FAF1: variants seen among roughly 807,000 people sequenced by gnomAD.
The protein encoded by FAF1 is FAS-associated factor 1.
In FAF1, 25 loss-of-function variants were observed where a neutral mutation model predicts 92.5. That is an observed-to-expected ratio of 0.27 (90% CI 0.20 to 0.38). The LOEUF is 0.38. Ranked by LOEUF, FAF1 falls within the 10% of genes least tolerant of loss-of-function variation. The probability of loss-of-function intolerance (pLI) is 1.00; values close to 1 mark genes in which losing one functional copy is unlikely to be tolerated. For synonymous variants in FAF1, 234 were observed against 273.2 expected (o/e 0.86, Z 1.42); for missense variants, 636 against 793.3 (o/e 0.80, Z 2.38).
At chr1:50,610,979 G>C (rs1354718602) in intron 8 of FAF1, among the ~76,000 whole-genome samples, 1 of 152,140 alleles carries the variant, frequency 6.6e-6, no homozygotes. Flanking sequence ...TCCCAGGGTT[G>C]AGCTTTGTGC....
At chr1:50,783,490 T>C (rs1252681049) in intron 4 of FAF1, among the ~76,000 whole-genome samples, 5 of 152,104 alleles carry the variant, frequency 3.3e-5, no homozygotes, top group Non-Finnish European at 5.9e-5. Context: ...CAACAGCACA[T>C]TGAAAGTGAA....
At chr1:50,692,699 A>C (rs1656993584) in intron 7 of FAF1, among the ~76,000 whole-genome samples, 1 of 152,180 alleles carries the variant, frequency 6.6e-6, no homozygotes, top group Non-Finnish European at 1.5e-5. Context: ...GAACACTTAC[A>C]TTGCTTCCAT....
intron 4 of FAF1, chr1:50,780,721 C>A: frequency 3.6e-6 from 1 of 278,740 alleles, no homozygotes; most frequent in South Asian, 3.5e-5. Context: ...ATCCTCAAGT[C>A]AGTGGTGACT....
At chr1:50,574,186 G>GTA (rs1650600749) in intron 12 of FAF1, among the ~76,000 whole-genome samples, 1 of 152,234 alleles carries the variant, frequency 6.6e-6, no homozygotes. Context: ...TGTTCATTGG[G>GTA]TATAGATCTT....
At chr1:50,484,388 G>A (rs921650255) in intron 17 of FAF1, among the ~76,000 whole-genome samples, 5 of 152,076 alleles carry the variant, frequency 3.3e-5, no homozygotes, top group African/African-American at 1.2e-4. Context: ...CTGTTTTAAT[G>A]GTTCATGAGA....
At chr1:50,522,856 T>A (rs943548618) in intron 15 of FAF1, among the ~76,000 whole-genome samples, 1 of 152,206 alleles carries the variant, frequency 6.6e-6, no homozygotes. Flanking sequence ...CACCATCTAT[T>A]TCCTAACATT....
At chr1:50,919,629 A>C (rs1489744172) in intron 1 of FAF1, among the ~76,000 whole-genome samples, 1 of 151,938 alleles carries the variant, frequency 6.6e-6, no homozygotes, top group African/African-American at 2.4e-5. Context: ...CTGGGATTAC[A>C]AGCACCTGAC....
intron 8 of FAF1, among the ~76,000 whole-genome samples, chr1:50,634,892 T>C (rs1653940628): frequency 6.6e-6 from 1 of 152,144 alleles, no homozygotes; most frequent in Non-Finnish European, 1.5e-5. Flanking sequence ...CAGAAAAGGG[T>C]GGTTTCAAGC....
chr1:50,776,689 A>AC (rs989658722), intron 4 of FAF1, among the ~76,000 whole-genome samples: 1 of 152,148 alleles, frequency 6.6e-6, no homozygotes, highest in Non-Finnish European at 1.5e-5. Flanking sequence ...CAAAAAAAAA[A>AC]ATCTGAGGTA....
At chr1:50,543,828 T>C (rs553505901) in intron 13 of FAF1, among the ~76,000 whole-genome samples, 1 of 152,212 alleles carries the variant, frequency 6.6e-6, no homozygotes, top group Non-Finnish European at 1.5e-5. Context: ...ACATTATAGA[T>C]GCTGCATTTG....
intron 7 of FAF1, among the ~76,000 whole-genome samples, chr1:50,679,179 T>C (rs927254592): frequency 1.4e-4 from 21 of 152,184 alleles, no homozygotes; most frequent in African/African-American, 5.1e-4. Flanking sequence ...AACTGCTATA[T>C]GTGGCAACAA....
chr1:50,697,251 C>T (rs1227816751), intron 7 of FAF1, among the ~76,000 whole-genome samples: 1 of 152,136 alleles, frequency 6.6e-6, no homozygotes, highest in Non-Finnish European at 1.5e-5. Context: ...AGAATAGTGC[C>T]TAATGCATAC....
chr1:50,784,878 G>A (rs879923950), intron 4 of FAF1, among the ~76,000 whole-genome samples: 3 of 151,986 alleles, frequency 2.0e-5, no homozygotes, highest in Admixed American at 6.6e-5. Flanking sequence ...AAACCCACAC[G>A]TATACAGTCA....
intron 1 of FAF1, among the ~76,000 whole-genome samples, chr1:50,907,557 G>C (rs1644850132): frequency 6.6e-6 from 1 of 152,092 alleles, no homozygotes; most frequent in Admixed American, 6.6e-5. Context: ...CAATTTCAGA[G>C]CCTGTTATTG....
chr1:50,832,208 C>A (rs542439420), intron 2 of FAF1, among the ~76,000 whole-genome samples: 27 of 152,288 alleles, frequency 1.8e-4, no homozygotes, highest in African/African-American at 6.5e-4. Flanking sequence ...ATCCTCTACT[C>A]CAGTCCGCAG....
chr1:50,891,532 G>A (rs1484665692), intron 1 of FAF1, among the ~76,000 whole-genome samples: 1 of 152,214 alleles, frequency 6.6e-6, no homozygotes, highest in Non-Finnish European at 1.5e-5. Context: ...ACATACAGAT[G>A]AGGTTTTGGT....
chr1:50,810,817 G>A (rs2124605108), intron 2 of FAF1, among the ~76,000 whole-genome samples: 1 of 152,328 alleles, frequency 6.6e-6, no homozygotes, highest in Middle Eastern at 3.4e-3. Flanking sequence ...GGGAGGCCGA[G>A]ATGGGTGTAT....
intron 1 of FAF1, among the ~76,000 whole-genome samples, chr1:50,921,716 G>A (rs1292618788): frequency 1.3e-5 from 2 of 152,012 alleles, no homozygotes; most frequent in Non-Finnish European, 2.9e-5. Context: ...GGAGGCAGAG[G>A]CATGCAGTAA....
At chr1:50,664,468 T>G (rs1396337623) in intron 7 of FAF1, among the ~76,000 whole-genome samples, 1 of 151,498 alleles carries the variant, frequency 6.6e-6, no homozygotes, top group Admixed American at 6.6e-5. Flanking sequence ...CCCTAACCAC[T>G]AGAGAACTAT....
Sources: allele counts gnomAD v4.1 joint callset (sites outside exome capture counted in the v4.1 genomes callset), GRCh38; gene constraint gnomAD v4.1.1; transcripts MANE v1.5; gene names NCBI Gene and HGNC (gene_info 2026-07-23, HGNC 2026-07-21).